Variants in CDH12 observed in about 807,000 individuals in gnomAD.
CDH12 encodes the protein cadherin 12.
CDH12 carries 41 observed loss-of-function variants against 74.1 expected under a neutral mutation model. The observed-to-expected ratio is 0.55, with a 90% CI of 0.43 to 0.72. The LOEUF (loss-of-function observed/expected upper bound fraction) is 0.72, where lower values mean the gene tolerates loss of function less well. Ranked by LOEUF, CDH12 falls within the 30% of genes least tolerant of loss-of-function variation. The probability of loss-of-function intolerance (pLI) is 0.00; values close to 1 mark genes in which losing one functional copy is unlikely to be tolerated. For missense variants in CDH12, 945 were observed against 977.2 expected (o/e 0.97, Z 0.44); for synonymous variants, 399 against 355.0 (o/e 1.12, Z -1.39).
At chr5:22,103,895 T>C (rs573144747) in intron 4 of CDH12, among the ~76,000 whole-genome samples, 28 of 152,330 alleles carry the variant, frequency 1.8e-4, no homozygotes, top group Non-Finnish European at 3.8e-4. Context: ...TCACATCTGC[T>C]TGTCAAGTTA....
intron 1 of CDH12, among the ~76,000 whole-genome samples, chr5:22,671,858 T>C (rs1434429980): frequency 2.0e-5 from 3 of 151,318 alleles, no homozygotes; most frequent in Non-Finnish European, 4.4e-5. Context: ...TTTTTCCTTT[T>C]TGGGGGTGGG....
chr5:22,614,330 C>T (rs553291606), intron 1 of CDH12, among the ~76,000 whole-genome samples: 2 of 152,020 alleles, frequency 1.3e-5, no homozygotes, highest in African/African-American at 2.4e-5. Flanking sequence ...TACAATTGCA[C>T]GCTCTGGGTA....
intron 2 of CDH12, among the ~76,000 whole-genome samples, chr5:22,499,328 A>G (rs1159869727): frequency 6.6e-6 from 1 of 152,184 alleles, no homozygotes; most frequent in Non-Finnish European, 1.5e-5. Context: ...GATTTATTCT[A>G]CTTTTAGTTC....
At chr5:22,751,518 T>C (rs1196749586) in intron 1 of CDH12, among the ~76,000 whole-genome samples, 2 of 151,944 alleles carry the variant, frequency 1.3e-5, no homozygotes, top group African/African-American at 4.8e-5. Context: ...ATAAAATTGT[T>C]GTGATATTAT....
intron 3 of CDH12, among the ~76,000 whole-genome samples, chr5:22,229,414 T>C (rs1416439251): frequency 2.2e-5 from 3 of 136,756 alleles, no homozygotes; most frequent in Non-Finnish European, 3.1e-5. Context: ...GCCTTGTTAC[T>C]CCAGCCTGGG....
intron 8 of CDH12, among the ~76,000 whole-genome samples, chr5:21,828,045 G>A (rs184777777): frequency 2.0e-5 from 3 of 151,940 alleles, no homozygotes; most frequent in Admixed American, 2.0e-4. Flanking sequence ...ACAAAAATAT[G>A]CCACAAGCAA....
chr5:21,870,259 A>G (rs1458688649), intron 6 of CDH12, among the ~76,000 whole-genome samples: 4 of 152,228 alleles, frequency 2.6e-5, no homozygotes, highest in African/African-American at 9.6e-5. Flanking sequence ...TAATACACCT[A>G]GAGAATTGGG....
rs571290980 is a variant in CDH12 at position 22,319,233 on chromosome 5, GAAAT to G, written c.-333+86020_-333+86023del. On this transcript the variant is annotated intron_variant, in intron 3 of 14. Coordinates refer to ENST00000382254, the MANE Select transcript of CDH12 (RefSeq NM_004061.5). ...TGCTCCAGTTATATGAATTAGAACA[GAAAT>G]AGAATCATTGGCGATACTCTAATAA... Among the ~76,000 whole-genome samples the G allele has an allele frequency of 2.6e-5, 4 of 152,296 alleles. No individual in the cohort carries two copies. In the South Asian group the frequency reaches 8.3e-4, roughly 32 times the overall value.
chr5:22,731,597 T>G (rs938510758), intron 1 of CDH12, among the ~76,000 whole-genome samples: 1 of 151,896 alleles, frequency 6.6e-6, no homozygotes, highest in Non-Finnish European at 1.5e-5. Context: ...AAATCTCAAT[T>G]GCATTCTTCA....
intron 4 of CDH12, among the ~76,000 whole-genome samples, chr5:22,089,426 A>C (rs1052995812): frequency 2.0e-5 from 3 of 152,210 alleles, no homozygotes; most frequent in Admixed American, 2.0e-4. Flanking sequence ...AAAAATGTCA[A>C]AGTAACATTA....
intron 6 of CDH12, among the ~76,000 whole-genome samples, chr5:21,869,820 T>C (rs1184730202): frequency 6.6e-6 from 1 of 152,174 alleles, no homozygotes; most frequent in Non-Finnish European, 1.5e-5. Context: ...TTAATAAGGG[T>C]TGGATTTGTG....
chr5:22,011,206 G>A (rs1737275560), intron 5 of CDH12, among the ~76,000 whole-genome samples: 2 of 152,034 alleles, frequency 1.3e-5, no homozygotes, highest in Admixed American at 6.6e-5. Context: ...CTGGATACTG[G>A]AAATTCTTCC....
chr5:22,609,149 C>G (rs1364536380), intron 1 of CDH12, among the ~76,000 whole-genome samples: 1 of 152,098 alleles, frequency 6.6e-6, no homozygotes, highest in Non-Finnish European at 1.5e-5. Context: ...TTCTCCAAGG[C>G]ATCAAATCGG....
chr5:22,517,292 A>G (rs1736852671), intron 1 of CDH12, among the ~76,000 whole-genome samples: 1 of 152,080 alleles, frequency 6.6e-6, no homozygotes, highest in Admixed American at 6.6e-5. Context: ...TCCATTTTCA[A>G]TACTTATTTA....
chr5:22,623,652 A>G (rs975236071), intron 1 of CDH12, among the ~76,000 whole-genome samples: 23 of 152,212 alleles, frequency 1.5e-4, no homozygotes, highest in East Asian at 3.8e-4. Flanking sequence ...CCACTGCTCA[A>G]TGAAATAAAA....
intron 4 of CDH12, among the ~76,000 whole-genome samples, chr5:22,106,601 T>C (rs1264622957): frequency 6.6e-6 from 1 of 152,244 alleles, no homozygotes; most frequent in African/African-American, 2.4e-5. Context: ...ATTGTTTTTA[T>C]CATGTGCATT....
rs1196392068 is a variant in CDH12, at chr5:22,191,556, TTTTATTTTTA to T, written c.-187+20932_-187+20941del. Among the ~76,000 whole-genome samples the T allele has an allele frequency of 8.2e-3, 53 of 6,444 alleles. 5 individuals are homozygous for T. In the South Asian group the frequency reaches 0.25, roughly 30 times the overall value. 4.2% of individuals were successfully genotyped at this position (6,444 alleles called of 152,430 possible). Reference sequence around the variant, plus strand: ...AGTTGTCTATATACACCAATGGTCTTTTTATTTTTATTTTTTTTTTTTTTTTGAGACGGAG... The same window carrying T: ...AGTTGTCTATATACACCAATGGTCTTTTTTTTTTTTTTTTTTGAGACGGAG... On this transcript the variant is annotated intron_variant, in intron 4 of 14. Transcript: ENST00000382254.
At chr5:22,253,094 C>CT (rs1753188422) in intron 3 of CDH12, among the ~76,000 whole-genome samples, 1 of 151,794 alleles carries the variant, frequency 6.6e-6, no homozygotes. Context: ...TACAGGAAAT[C>CT]TTTATTTATT....
intron 4 of CDH12, among the ~76,000 whole-genome samples, chr5:22,187,942 G>A (rs1323778208): frequency 6.6e-6 from 1 of 152,170 alleles, no homozygotes; most frequent in African/African-American, 2.4e-5. Flanking sequence ...TAAACCATGC[G>A]TAATTAATGG....
Sources: gnomAD v4.1 joint callset for allele counts (sites outside exome capture counted in the v4.1 genomes callset) on GRCh38, gnomAD v4.1.1 for gene constraint, MANE v1.5 for transcripts, NCBI Gene and HGNC (gene_info 2026-07-23, HGNC 2026-07-21) for gene names.